Variants in KLHL7 observed in about 807,000 individuals in gnomAD.
KLHL7 encodes the protein kelch like family member 7.
A neutral mutation model predicts 67.4 loss-of-function variants in KLHL7; 44 were observed. The ratio of observed to expected loss-of-function variants is 0.65; its 90% confidence interval spans 0.51 to 0.84. The LOEUF (loss-of-function observed/expected upper bound fraction) is 0.84. KLHL7 is among the 40% of genes least tolerant of loss of function. The pLI is 0.00. For synonymous variants in KLHL7, 252 were observed against 243.3 expected, an observed-to-expected ratio of 1.04 and a Z score of -0.33; for missense variants, 362 against 718.1, an observed-to-expected ratio of 0.50 and a Z score of 5.67.
At chr7:23,152,394 T>C (rs573588931) in intron 7 of KLHL7, among the ~76,000 whole-genome samples, 185 bp downstream of exon 7, 2 of 152,322 alleles carry the variant, frequency 1.3e-5, no homozygotes, top group East Asian at 1.9e-4. Context: ...AGATTCCAAA[T>C]GTTTCCTTAA....
At chr7:23,168,498 A>T (rs1291793178) in intron 9 of KLHL7, among the ~76,000 whole-genome samples, 1 of 152,214 alleles carries the variant, frequency 6.6e-6, no homozygotes, top group East Asian at 1.9e-4. Context: ...ATGTTTATTA[A>T]ATAAAATTAT....
intron 9 of KLHL7, among the ~76,000 whole-genome samples, chr7:23,169,116 C>T (rs864524): frequency 0.063 from 9,612 of 152,068 alleles, 470 homozygotes; most frequent in African/African-American, 0.13. Context: ...CAAAAACTAG[C>T]TGGGTGTTGT....
intron 7 of KLHL7, among the ~76,000 whole-genome samples, chr7:23,161,656 C>T (rs774524489): frequency 6.6e-6 from 1 of 152,078 alleles, no homozygotes; most frequent in East Asian, 1.9e-4. Flanking sequence ...GTGCAGCCAC[C>T]ACAGAACCAG....
rs1478746196 is a variant in KLHL7 at position 23,125,015 on chromosome 7, G to A, written c.318-33G>A. 4.4e-6 allele frequency: 7 copies of A among 1,584,074 alleles called. No homozygotes were observed. In the African/African-American group the frequency reaches 8.1e-5, roughly 18 times the overall value. On this transcript the variant is annotated intron_variant, in intron 3 of 10. Coordinates refer to ENST00000339077, the MANE Select transcript of KLHL7 (RefSeq NM_001031710.3). ...TAACATTTAAATAATAAAAAATCAT[G>A]GGTAACTAATATTCCCTCTAACTTA...
At position 23,177,384 on chromosome 7, in the gene KLHL7, A is replaced by G. The variant is rs1331929944; in HGVS notation, c.*3086A>G. On this transcript the variant is annotated 3_prime_UTR_variant, in exon 11 of 11. Transcript: ENST00000339077. ...CAGCATTTCCTTTTAGGCTATGTCAATTGACTAGAACACACTATAGTAAAT... is the reference window on the plus strand; with the variant it reads ...CAGCATTTCCTTTTAGGCTATGTCAGTTGACTAGAACACACTATAGTAAAT... 6.6e-6 allele frequency: 1 copy of G among 152,236 alleles called. No homozygotes were observed. Among genetic ancestry groups the G allele is most frequent in the African/African-American group, 2.4e-5 (1 of 41,466 alleles). 9.4% of individuals were successfully genotyped at this position (152,236 alleles called of 1,614,324 possible). A position where few individuals can be genotyped will look rare whatever the true frequency, so the allele number is the denominator to read the frequency against.
intron 6 of KLHL7, among the ~76,000 whole-genome samples, chr7:23,151,761 G>C (rs1331328299): frequency 6.6e-6 from 1 of 152,180 alleles, no homozygotes; most frequent in Non-Finnish European, 1.5e-5. Context: ...AGGAGATCTG[G>C]ATTTCAATAA....
chr7:23,124,177 C>T (rs1237410919), intron 2 of KLHL7, among the ~76,000 whole-genome samples: 2 of 103,822 alleles, frequency 1.9e-5, no homozygotes, highest in African/African-American at 4.0e-5. Context: ...GGCGTCAGAG[C>T]GAGACTCTGT....
At position 23,174,461 on chromosome 7, in the gene KLHL7, T is replaced by A; in HGVS notation, c.*163T>A. The stretch of plus-strand genomic sequence containing the variant: ...GATGTTTCTTTTATATGGATTTCCT[T>A]AATTCAAAGATCATATTTTAGCTGG... On this transcript the variant is annotated 3_prime_UTR_variant, in exon 11 of 11. Coordinates refer to ENST00000339077, the MANE Select transcript of KLHL7 (RefSeq NM_001031710.3). 1 of 759,544 alleles carries A rather than the reference T, an allele frequency of 1.3e-6. No individual in the cohort carries two copies. The highest frequency in any genetic ancestry group is 2.3e-6 in the Non-Finnish European group (1 of 438,940). 47.1% of individuals were successfully genotyped at this position (759,544 alleles called of 1,614,324 possible). A position where few individuals can be genotyped will look rare whatever the true frequency, so the allele number is the denominator to read the frequency against.
intron 4 of KLHL7, among the ~76,000 whole-genome samples, chr7:23,128,417 G>T: frequency 1.8e-5 from 2 of 110,452 alleles, no homozygotes; most frequent in African/African-American, 3.9e-5. Flanking sequence ...CGACTTCTTT[G>T]GGTTTAAAAA....
intron 1 of KLHL7, among the ~76,000 whole-genome samples, chr7:23,118,789 G>A (rs922121916): frequency 6.6e-6 from 1 of 151,854 alleles, no homozygotes; most frequent in Non-Finnish European, 1.5e-5. Flanking sequence ...TAGAAAATTT[G>A]AGCCAGGTGT....
chr7:23,110,510 C>T (rs760192207), intron 1 of KLHL7, among the ~76,000 whole-genome samples: 2 of 152,134 alleles, frequency 1.3e-5, no homozygotes, highest in African/African-American at 2.4e-5. Context: ...AACCAAACAA[C>T]CAGCAAACCC....
intron 1 of KLHL7, chr7:23,106,937 C>G (rs2128455066): frequency 2.0e-6 from 1 of 509,952 alleles, no homozygotes; most frequent in South Asian, 8.4e-5. Context: ...AGATAATACA[C>G]ATCTAAGTAG....
chr7:23,114,661 CTG>C (rs1783012747), intron 1 of KLHL7, among the ~76,000 whole-genome samples: 1 of 152,182 alleles, frequency 6.6e-6, no homozygotes. Flanking sequence ...CTACCAATAA[CTG>C]TTCTTTTTTG....
rs886712849 is a variant in KLHL7 at position 23,117,930 on chromosome 7, G to A, written c.121-5847G>A. 9 of 1,613,972 alleles carry A rather than the reference G, an allele frequency of 5.6e-6. No homozygotes were observed. In the African/African-American group the frequency reaches 1.2e-4, roughly 22 times the overall value. On this transcript the variant is annotated intron_variant, in intron 1 of 10. Transcript: ENST00000339077. ...GATATCATGCTGGGAGGGACTGATT[G>A]CAGAACCTTCTTGACAAGCCACATA... is the stretch of plus-strand genomic sequence containing the variant.
intron 5 of KLHL7, among the ~76,000 whole-genome samples, chr7:23,143,459 C>T (rs186426713): frequency 5.3e-4 from 80 of 152,192 alleles, no homozygotes; most frequent in Non-Finnish European, 9.4e-4. Flanking sequence ...CTGGAATGGA[C>T]GGCCTCTTGA....
rs187617373 is a variant in KLHL7 at position 23,141,902 on chromosome 7, C to T, written c.618+958C>T. 9.8e-3 allele frequency among the ~76,000 whole-genome samples: 1,469 copies of T among 149,476 alleles called. 28 individuals are homozygous for T. The highest frequency in any genetic ancestry group is 0.035 in the African/African-American group (1,400 of 40,332). ...CCTCCCAAAGTGCTGGGATTACAGG[C>T]GTGAGCCACCGCACCCGGCCTTATT... On this transcript the variant is annotated intron_variant, in intron 5 of 10. Transcript: ENST00000339077.
Position 23,132,371 on chromosome 7 carries a change from A to G in KLHL7, c.442+7199A>G, listed in dbSNP as rs542642317. ...TTTAACTGGGGTGAGATGATATCTC[A>G]TTATAGTTTTGATTTGCATTTCTCT... On this transcript the variant is annotated intron_variant, in intron 4 of 10. Transcript: ENST00000339077. Among the ~76,000 whole-genome samples, 3 of 152,318 alleles carry G rather than the reference A, an allele frequency of 2.0e-5. No individual in the cohort carries two copies. In the East Asian group the frequency reaches 5.8e-4, roughly 29 times the overall value.
Position 23,105,849 on chromosome 7 carries a change from C to T in KLHL7, c.-178C>T, listed in dbSNP as rs921875996. 2.4e-5 allele frequency: 23 copies of T among 939,206 alleles called. No homozygotes were observed. Among genetic ancestry groups the T allele is most frequent in the Non-Finnish European group, 3.7e-5 (23 of 615,708 alleles). 58.2% of individuals were successfully genotyped at this position (939,206 alleles called of 1,614,324 possible). A position where few individuals can be genotyped will look rare whatever the true frequency, so the allele number is the denominator to read the frequency against. On this transcript the variant is annotated 5_prime_UTR_variant, in exon 1 of 11. Transcript: ENST00000339077. ...TCCCTGAGCGTTTCTAAGGGGGCCG[C>T]CCGGCCTTGTCTTTCGGCAGTGGCC...
chr7:23,153,681 T>C lies in KLHL7; in HGVS notation c.936+1472T>C, dbSNP rs113215383. 3.2e-3 allele frequency among the ~76,000 whole-genome samples: 483 copies of C among 152,340 alleles called. 5 individuals carry two copies. The highest frequency in any genetic ancestry group is 0.011 in the African/African-American group (451 of 41,562). ...CAGAATTTGGGGCATGCTCTGATTA[T>C]ATTGAGACATACCTCAAGCTATATG... is the stretch of plus-strand genomic sequence containing the variant. On this transcript the variant is annotated intron_variant, in intron 7 of 10. Transcript: ENST00000339077.
Sources: gnomAD v4.1 joint callset for allele counts (sites outside exome capture counted in the v4.1 genomes callset) on GRCh38, gnomAD v4.1.1 for gene constraint, MANE v1.5 for transcripts, NCBI Gene and HGNC (gene_info 2026-07-23, HGNC 2026-07-21) for gene names.